Variants in AUH observed in about 807,000 individuals in gnomAD.
AUH encodes the protein methylglutaconyl-CoA hydratase, mitochondrial.
Under a neutral mutation model 42.3 loss-of-function variants are expected in AUH, and 29 were observed. The observed-to-expected ratio is 0.69, with a 90% CI of 0.51 to 0.93. The LOEUF (loss-of-function observed/expected upper bound fraction) is 0.93. AUH is among the 40% of genes least tolerant of loss of function. AUH has a pLI of 0.00. For missense variants in AUH, 452 were observed against 438.1 expected, an observed-to-expected ratio of 1.03 and a Z score of -0.28; for synonymous variants, 174 against 166.4, an observed-to-expected ratio of 1.05 and a Z score of -0.35.
intron 6 of AUH, among the ~76,000 whole-genome samples, chr9:91,277,134 G>GT (rs1334250236): frequency 1.3e-5 from 2 of 152,188 alleles, no homozygotes; most frequent in Non-Finnish European, 2.9e-5. Flanking sequence ...AGGTTACAGG[G>GT]TAAGACCCTA....
chr9:91,324,547 T>TA (rs200793949), intron 4 of AUH, among the ~76,000 whole-genome samples: 2,026 of 90,660 alleles, frequency 0.022, 52 homozygotes, highest in African/African-American at 0.077. Flanking sequence ...TAAAACCAAA[T>TA]AAAAAAAAAA....
At chr9:91,306,832 T>G (rs1177486292) in intron 4 of AUH, among the ~76,000 whole-genome samples, 1 of 152,126 alleles carries the variant, frequency 6.6e-6, no homozygotes, top group East Asian at 1.9e-4. Flanking sequence ...AACGTAAGGG[T>G]AGTGAAGGCT....
Position 91,339,566 on chromosome 9 carries a change from CAT to C in AUH, c.419-14164_419-14163del, listed in dbSNP as rs528362403. 9.3e-4 allele frequency among the ~76,000 whole-genome samples: 141 copies of C among 152,242 alleles called. 1 individual carries two copies. The highest frequency in any genetic ancestry group is 1.4e-3 in the Non-Finnish European group (93 of 68,032). The stretch of plus-strand genomic sequence containing the variant: ...ATGTAAGTACAGAAATGGTTGTAAA[CAT>C]GTGTGTGTGAATATGTAATGTAATT... On this transcript the variant is annotated intron_variant, in intron 3 of 9. Coordinates refer to ENST00000375731, the MANE Select transcript of AUH (RefSeq NM_001698.3).
chr9:91,358,404 T>G (rs954875237), intron 1 of AUH, among the ~76,000 whole-genome samples: 2 of 152,204 alleles, frequency 1.3e-5, no homozygotes, highest in African/African-American at 4.8e-5. Context: ...GAAATCCCAG[T>G]CTGCCGCTTA....
chr9:91,360,692 C>T (rs1170160302), intron 1 of AUH, among the ~76,000 whole-genome samples: 2 of 152,204 alleles, frequency 1.3e-5, no homozygotes, highest in African/African-American at 4.8e-5. Context: ...CAGCCCTTTC[C>T]TCTTACCATG....
In AUH at chr9:91,331,251, C is replaced by T. The variant is rs183743963; in HGVS notation, c.419-5847G>A. On this transcript the variant is annotated intron_variant, in intron 3 of 9. Coordinates refer to ENST00000375731, the MANE Select transcript of AUH (RefSeq NM_001698.3). ...GAGAAAAAGGTGAAGAAAGTACAGACGGGTATTAAAGGTGGTGACCATGTC... is the reference window on the plus strand; with the variant it reads ...GAGAAAAAGGTGAAGAAAGTACAGATGGGTATTAAAGGTGGTGACCATGTC... Among the ~76,000 whole-genome samples the T allele has an allele frequency of 3.1e-3, 465 of 152,166 alleles. 2 individuals are homozygous for T. Among genetic ancestry groups the T allele is most frequent in the Middle Eastern group, 0.01 (3 of 292 alleles).
At chr9:91,245,314 C>T (rs1828735226) in intron 6 of AUH, among the ~76,000 whole-genome samples, 1 of 152,156 alleles carries the variant, frequency 6.6e-6, no homozygotes, top group Admixed American at 6.5e-5. Flanking sequence ...CTATTACACC[C>T]TCTTCCCATG....
intron 6 of AUH, among the ~76,000 whole-genome samples, chr9:91,260,250 AC>A (rs1829639399): frequency 6.6e-6 from 1 of 152,122 alleles, no homozygotes; most frequent in Admixed American, 6.5e-5. Context: ...TCTTTTATAA[AC>A]AGCATGCCAT....
chr9:91,214,655 G>A (rs1480144176), intron 9 of AUH, among the ~76,000 whole-genome samples: 7 of 151,800 alleles, frequency 4.6e-5, no homozygotes, highest in African/African-American at 9.7e-5. Context: ...GGTTATTATC[G>A]ATTTAGATAT....
At chr9:91,243,535 C>A (rs1828630142) in intron 6 of AUH, among the ~76,000 whole-genome samples, 1 of 152,206 alleles carries the variant, frequency 6.6e-6, no homozygotes. Context: ...GATCTTCCTC[C>A]TCGCTTTCTA....
chr9:91,282,456 C>T (rs190507471), intron 6 of AUH, among the ~76,000 whole-genome samples: 13 of 152,198 alleles, frequency 8.5e-5, no homozygotes, highest in East Asian at 5.8e-4. Context: ...TGCTTGTTCA[C>T]GGCTGTATCC....
In AUH at chr9:91,298,061, G is replaced by A; in HGVS notation, c.521C>T (p.Pro174Leu). ...GAGTCCATCTATTGCTGCAATTGTT[G>A]GTACTGGAAGATTAGCTGAAATGGA... ...VINDIANLPV[P>L]TIAAIDGLAL... The change falls in exon 5 of 10, where the codon CCA becomes CTA. Residue 174 changes from proline to leucine, a missense_variant. Physicochemically the swap from Pro to Leu is moderately conservative, Grantham distance 98 (BLOSUM62 -3). Transcript: ENST00000375731. The A allele has an allele frequency of 6.2e-7, 1 of 1,613,592 alleles. No individual in the cohort carries two copies. The highest frequency in any genetic ancestry group is 8.5e-7 in the Non-Finnish European group (1 of 1,179,660).
intron 6 of AUH, among the ~76,000 whole-genome samples, chr9:91,270,479 C>T (rs1038009714): frequency 5.3e-5 from 8 of 152,278 alleles, no homozygotes; most frequent in African/African-American, 1.2e-4. Context: ...AAGCAACAAA[C>T]GTCTACTGTA....
chr9:91,349,583 A>G (rs904860996), intron 3 of AUH, among the ~76,000 whole-genome samples: 2 of 152,164 alleles, frequency 1.3e-5, no homozygotes, highest in African/African-American at 4.8e-5. Flanking sequence ...AAATATTAAA[A>G]TTTTAACTAC....
At chr9:91,239,520 G>A (rs1474844121) in intron 6 of AUH, among the ~76,000 whole-genome samples, 2 of 152,136 alleles carry the variant, frequency 1.3e-5, no homozygotes, top group Non-Finnish European at 2.9e-5. Flanking sequence ...ATGCATCAGG[G>A]CTTGATGCTT....
intron 1 of AUH, among the ~76,000 whole-genome samples, chr9:91,358,262 AG>A (rs1245934196): frequency 2.6e-5 from 4 of 152,184 alleles, no homozygotes; most frequent in Admixed American, 2.6e-4. Flanking sequence ...TACCAAGGTG[AG>A]GGTGGAGGGG....
At chr9:91,342,253 TC>T (rs1831159556) in intron 3 of AUH, among the ~76,000 whole-genome samples, 1 of 152,172 alleles carries the variant, frequency 6.6e-6, no homozygotes, top group African/African-American at 2.4e-5. Context: ...CTTGCTTCTC[TC>T]CAACTTCTGC....
intron 3 of AUH, among the ~76,000 whole-genome samples, chr9:91,331,484 A>G (rs1012617637): frequency 3.3e-5 from 5 of 152,214 alleles, no homozygotes; most frequent in South Asian, 2.1e-4. Context: ...AATGAACTTT[A>G]TATCTCCTGT....
intron 4 of AUH, among the ~76,000 whole-genome samples, chr9:91,300,856 C>G (rs1293133211): frequency 6.6e-6 from 1 of 152,204 alleles, no homozygotes; most frequent in African/African-American, 2.4e-5. Context: ...CTAGCCCCTA[C>G]TTGTCTGTCG....
Sources: gnomAD v4.1 joint callset for allele counts (sites outside exome capture counted in the v4.1 genomes callset) on GRCh38, gnomAD v4.1.1 for gene constraint, MANE v1.5 for transcripts, NCBI Gene and HGNC (gene_info 2026-07-23, HGNC 2026-07-21) for gene names.